SPOCK1: variants seen among roughly 807,000 people sequenced by gnomAD.
SPOCK1 encodes SPARC (osteonectin), cwcv and kazal like domains proteoglycan 1.
SPOCK1 carries 23 observed loss-of-function variants against 55.3 expected under a neutral mutation model. The ratio of observed to expected loss-of-function variants is 0.42; its 90% CI spans 0.30 to 0.59. The LOEUF (loss-of-function observed/expected upper bound fraction) is 0.59, where lower values mean the gene tolerates loss of function less well. SPOCK1 is among the 20% of genes least tolerant of loss of function. SPOCK1 has a pLI of 0.22. For synonymous variants in SPOCK1, 226 were observed against 221.0 expected, an observed-to-expected ratio of 1.02 and a Z score of -0.20; for missense variants, 499 against 552.5, an observed-to-expected ratio of 0.90 and a Z score of 0.97.
chr5:137,235,591 G>T (rs1005674532), intron 3 of SPOCK1, among the ~76,000 whole-genome samples: 6 of 152,212 alleles, frequency 3.9e-5, no homozygotes, highest in African/African-American at 1.4e-4. Context: ...GTGAAATGTT[G>T]GTGGGTATAC....
At chr5:137,149,731 T>C (rs992809394) in intron 3 of SPOCK1, among the ~76,000 whole-genome samples, 2 of 152,204 alleles carry the variant, frequency 1.3e-5, no homozygotes, top group African/African-American at 4.8e-5. Flanking sequence ...TTGTTGATCA[T>C]GTAAGGATTG....
At chr5:137,402,028 T>G (rs1561525917) in intron 2 of SPOCK1, among the ~76,000 whole-genome samples, 1 of 152,196 alleles carries the variant, frequency 6.6e-6, no homozygotes, top group Non-Finnish European at 1.5e-5. Flanking sequence ...ATGATGCATT[T>G]ATTAGTGTTA....
rs763008718 is a variant in SPOCK1, at chr5:136,979,369, C to T, written c.1092G>A (p.Glu364=). 9 of 1,614,064 alleles carry T rather than the reference C, an allele frequency of 5.6e-6. No individual in the cohort carries two copies. Among genetic ancestry groups the T allele is most frequent in the South Asian group, 1.1e-5 (1 of 91,088 alleles). Residue 364 remains glutamate, a synonymous_variant, in exon 10 of 11, where the codon GAG becomes GAA. Transcript: ENST00000394945. ...QCWCVDKYGN[E]LAGSRKQGAV... ...CACCCTGTTTCCTGGAGCCAGCCAA[C>T]TCATTCCCATATTTGTCCACACACC...
At chr5:137,212,857 C>T (rs192203151) in intron 3 of SPOCK1, among the ~76,000 whole-genome samples, 1 of 152,342 alleles carries the variant, frequency 6.6e-6, no homozygotes, top group African/African-American at 2.4e-5. Context: ...GACAAAGACG[C>T]TGCACAGTCT....
At chr5:137,011,539 A>T (rs1409389647) in intron 6 of SPOCK1, among the ~76,000 whole-genome samples, 3 of 152,200 alleles carry the variant, frequency 2.0e-5, no homozygotes, top group Non-Finnish European at 2.9e-5. Flanking sequence ...AATTCTAGAC[A>T]TGCCTTGTGT....
intron 3 of SPOCK1, among the ~76,000 whole-genome samples, chr5:137,258,735 T>C (rs1398085329): frequency 6.6e-6 from 1 of 152,192 alleles, no homozygotes; most frequent in Non-Finnish European, 1.5e-5. Context: ...GTAATAAACA[T>C]GTCTTTAAAA....
chr5:137,274,152 T>C (rs902171433), intron 2 of SPOCK1, among the ~76,000 whole-genome samples: 3 of 152,208 alleles, frequency 2.0e-5, no homozygotes, highest in African/African-American at 7.2e-5. Flanking sequence ...AATGGGCATA[T>C]GATGCTCCAT....
chr5:137,458,082 G>A (rs1299977430), intron 2 of SPOCK1, among the ~76,000 whole-genome samples: 2 of 152,206 alleles, frequency 1.3e-5, no homozygotes, highest in African/African-American at 4.8e-5. Flanking sequence ...TCTCGTTCTA[G>A]GTTAGGCTGG....
chr5:137,389,516 A>T (rs1335348718), intron 2 of SPOCK1, among the ~76,000 whole-genome samples: 3 of 152,244 alleles, frequency 2.0e-5, no homozygotes, highest in Non-Finnish European at 2.9e-5. Context: ...TGATGAAGTG[A>T]TGAGCAATCC....
chr5:137,141,438 T>G (rs1754096589), intron 3 of SPOCK1, among the ~76,000 whole-genome samples: 1 of 152,280 alleles, frequency 6.6e-6, no homozygotes, highest in African/African-American at 2.4e-5. Context: ...CAATAAACAC[T>G]ATGTGCATAA....
intron 3 of SPOCK1, among the ~76,000 whole-genome samples, chr5:137,141,515 C>A (rs564023299): frequency 6.6e-6 from 1 of 152,202 alleles, no homozygotes; most frequent in East Asian, 1.9e-4. Context: ...CACAAAGTTA[C>A]AACGTAACAG....
intron 2 of SPOCK1, among the ~76,000 whole-genome samples, chr5:137,434,480 C>CTTTTTTTTTTTTTT (rs146762668): frequency 0.013 from 861 of 68,302 alleles, 53 homozygotes; most frequent in East Asian, 0.016. Context: ...TCTTTTTTTT[C>CTTTTTTTTTTTTTT]TTTTTTTTTT....
At chr5:137,381,875 G>A (rs373194475) in intron 2 of SPOCK1, among the ~76,000 whole-genome samples, 6 of 152,204 alleles carry the variant, frequency 3.9e-5, no homozygotes, top group Admixed American at 3.9e-4. Context: ...AATTTCTGCA[G>A]CAGACTTGAA....
intron 2 of SPOCK1, among the ~76,000 whole-genome samples, chr5:137,406,094 A>G (rs1469509314): frequency 1.3e-5 from 2 of 152,170 alleles, no homozygotes; most frequent in Non-Finnish European, 2.9e-5. Context: ...GAGTCAAAAC[A>G]AGAAGCTGTA....
Position 137,404,787 on chromosome 5 carries a change from TTGTCACCTCTGG to T in SPOCK1, c.186+93574_186+93585del, listed in dbSNP as rs1752060644. Among the ~76,000 whole-genome samples the T allele has an allele frequency of 2.0e-5, 3 of 152,108 alleles. No individual in the cohort carries two copies. The South Asian group carries it at 6.2e-4, about 32-fold the overall frequency. Reference sequence around the variant, plus strand: ...ATCAAGCCAGAGTTAACCCATGGGTTTGTCACCTCTGGTGCTCCCATGCTAATTAGTTTGATG... The same window carrying T: ...ATCAAGCCAGAGTTAACCCATGGGTTTGCTCCCATGCTAATTAGTTTGATG... On this transcript the variant is annotated intron_variant, in intron 2 of 10. Coordinates refer to ENST00000394945, the MANE Select transcript of SPOCK1 (RefSeq NM_004598.4).
chr5:137,460,734 T>C (rs1340264703), intron 2 of SPOCK1, among the ~76,000 whole-genome samples: 1 of 142,938 alleles, frequency 7.0e-6, no homozygotes, highest in Non-Finnish European at 1.5e-5. Context: ...CTGATCTACA[T>C]GGCCCTGTAT....
intron 3 of SPOCK1, among the ~76,000 whole-genome samples, chr5:137,199,537 C>G (rs1409864205): frequency 6.6e-6 from 1 of 152,130 alleles, no homozygotes; most frequent in African/African-American, 2.4e-5. Context: ...TTACCTGACC[C>G]ATCAGCTGCA....
At chr5:137,399,098 A>G (rs1237111939) in intron 2 of SPOCK1, among the ~76,000 whole-genome samples, 1 of 152,324 alleles carries the variant, frequency 6.6e-6, no homozygotes, top group Non-Finnish European at 1.5e-5. Context: ...TTATATTATA[A>G]TAAGCCTTTT....
intron 3 of SPOCK1, among the ~76,000 whole-genome samples, chr5:137,238,506 C>CA (rs1173804672): frequency 7.8e-5 from 7 of 89,802 alleles, no homozygotes; most frequent in African/African-American, 3.4e-4. Context: ...AAGAGCAAAG[C>CA]AAAAAAAATT....
Sources: gnomAD v4.1 joint callset for allele counts (sites outside exome capture counted in the v4.1 genomes callset) on GRCh38, gnomAD v4.1.1 for gene constraint, MANE v1.5 for transcripts, NCBI Gene and HGNC (gene_info 2026-07-23, HGNC 2026-07-21) for gene names.